The following AKR1B10 variants were observed in gnomAD, a reference collection of about 807,000 sequenced individuals.
The protein encoded by AKR1B10 is ARP.
In AKR1B10, 39 loss-of-function variants were observed where a neutral mutation model predicts 38.9. The observed-to-expected ratio is 1.00, with a 90% CI of 0.78 to 1.31. AKR1B10 has a LOEUF of 1.31. Among genes scored for constraint, AKR1B10 ranks in the 50% most tolerant of loss-of-function variants. The probability of loss-of-function intolerance (pLI) is 0.00; values close to 1 mark genes in which losing one functional copy is unlikely to be tolerated. For missense variants in AKR1B10, 361 were observed against 382.6 expected (o/e 0.94, Z 0.47); for synonymous variants, 148 against 141.2 (o/e 1.05, Z -0.34).
At chr7:134,537,431 CG>C in intron 6 of AKR1B10, 148 bp from the exon 7 acceptor site, 2 of 1,301,004 alleles carry the variant, frequency 1.5e-6, no homozygotes, top group Non-Finnish European at 2.1e-6. Context: ...CTTCAGAGCC[CG>C]GGGAAAGGAC....
Position 134,538,230 on chromosome 7 carries a change from G to T in AKR1B10, c.778G>T (p.Val260Phe), listed in dbSNP as rs775372358. 7.9e-5 allele frequency: 127 copies of T among 1,613,964 alleles called. No homozygotes were observed. Among genetic ancestry groups the T allele is most frequent in the Non-Finnish European group, 1.0e-4 (122 of 1,179,982 alleles). Residue 260 changes from valine (V) to phenylalanine (F), a missense_variant, in exon 8 of 10, where the codon GTC (valine) becomes TTC (phenylalanine). By Grantham distance (50) the Val-to-Phe change is conservative. Around this residue, in one of 3 missense-constraint regions of AKR1B10, gnomAD observed 132 missense variants for 134.6 expected, o/e 0.98. Transcript: ENST00000359579. ...IRFHIQRNVI[V>F]IPKSVTPARI... ...TTTCCATATCCAGAGGAATGTGATTGTCATCCCCAAGTCTGTGACACCAGC... is the reference window on the plus strand; with the variant it reads ...TTTCCATATCCAGAGGAATGTGATTTTCATCCCCAAGTCTGTGACACCAGC...
At chr7:134,539,080 G>T (rs1372524499) in intron 9 of AKR1B10, 63 bp downstream of exon 9, 1 of 1,597,500 alleles carries the variant, frequency 6.3e-7, no homozygotes. Context: ...TAGAGGGTTA[G>T]TTGGAAGGAT....
chr7:134,538,876 T>A, intron 8 of AKR1B10, 59 bp from the exon 9 acceptor site: 1 of 1,594,268 alleles, frequency 6.3e-7, no homozygotes. Flanking sequence ...TGGCCGGCAG[T>A]CTCCAGCCAC....
At position 134,527,682 on chromosome 7, in the gene AKR1B10, C is replaced by T. The variant is rs113606695; in HGVS notation, c.-230C>T. The T allele has an allele frequency of 5.1e-5, 19 of 376,086 alleles. No homozygotes were observed. The highest frequency in any genetic ancestry group is 3.5e-4 in the African/African-American group (17 of 49,210). 23.3% of individuals were successfully genotyped at this position (376,086 alleles called of 1,614,324 possible). A position where few individuals can be genotyped will look rare whatever the true frequency, so the allele number is the denominator to read the frequency against. On this transcript the variant is annotated 5_prime_UTR_variant, in exon 1 of 10. Coordinates refer to ENST00000359579, the MANE Select transcript of AKR1B10 (RefSeq NM_020299.5). ...GGAGTTTGAGACCAGCCTGTCTCTA[C>T]TAACAATATAAAAATTAGCTGGGAG...
In AKR1B10 at chr7:134,527,727, T is replaced by TC. The variant is rs545413179; in HGVS notation, c.-182dup. ...TGGGAGTCACGGTGGGCGCCTGTAATCCCAGCTACTCGGGAGGCTGAGGCA... is the reference window on the plus strand; with the variant it reads ...TGGGAGTCACGGTGGGCGCCTGTAATCCCCAGCTACTCGGGAGGCTGAGGCA... On this transcript the variant is annotated 5_prime_UTR_variant, in exon 1 of 10. Coordinates refer to ENST00000359579, the MANE Select transcript of AKR1B10 (RefSeq NM_020299.5). The TC allele has an allele frequency of 1.6e-3, 776 of 471,770 alleles. 9 individuals are homozygous for TC. In the African/African-American group the frequency reaches 0.019, roughly 11 times the overall value. The allele number at this position is 471,770 out of a possible 1,614,324, so 29.2% of individuals were successfully genotyped here.
chr7:134,535,233 C>G (rs900171849), intron 4 of AKR1B10, among the ~76,000 whole-genome samples: 1 of 152,126 alleles, frequency 6.6e-6, no homozygotes, highest in Non-Finnish European at 1.5e-5. Flanking sequence ...CTGTCTCAGC[C>G]TCTGGTAATA....
chr7:134,530,604 A>G lies in AKR1B10; in HGVS notation c.67-39A>G, dbSNP rs1377531471. 2.5e-6 allele frequency: 4 copies of G among 1,611,112 alleles called. No individual in the cohort carries two copies. In the Admixed American group the frequency reaches 5.0e-5, roughly 20 times the overall value. Reference sequence around the variant, plus strand: ...ACACGGCAGGGCCCCATCTCTTAAAAAAAACACATATGTGATGAGCTTTTC... The same window carrying G: ...ACACGGCAGGGCCCCATCTCTTAAAGAAAACACATATGTGATGAGCTTTTC... On this transcript the variant is annotated intron_variant, in intron 1 of 9. Transcript: ENST00000359579.
At chr7:134,530,066 A>C (rs1368366569) in intron 1 of AKR1B10, among the ~76,000 whole-genome samples, 1 of 152,154 alleles carries the variant, frequency 6.6e-6, no homozygotes, top group East Asian at 1.9e-4. Flanking sequence ...CAAGGTTTAC[A>C]GAGATTGAAT....
intron 3 of AKR1B10, among the ~76,000 whole-genome samples, chr7:134,532,228 G>A (rs1807877258): frequency 1.3e-5 from 2 of 152,228 alleles, no homozygotes; most frequent in South Asian, 4.1e-4. Flanking sequence ...TGCTGAGGTG[G>A]CCACATGCCT....
chr7:134,537,740 C>G, intron 7 of AKR1B10, 79 bp downstream of exon 7: 3 of 1,541,650 alleles, frequency 1.9e-6, no homozygotes, highest in Non-Finnish European at 2.7e-6. Flanking sequence ...TTGTCCTCAA[C>G]AAACTCCTTA....
chr7:134,534,859 A>C (rs1046588818), intron 4 of AKR1B10, among the ~76,000 whole-genome samples: 8 of 152,352 alleles, frequency 5.3e-5, no homozygotes, highest in Admixed American at 4.6e-4. Context: ...GGATAACATC[A>C]TATATCCTAG....
intron 9 of AKR1B10, 49 bp downstream of exon 9, chr7:134,539,066 C>T: frequency 6.2e-7 from 1 of 1,606,644 alleles, no homozygotes; most frequent in African/African-American, 1.3e-5. Flanking sequence ...TTTTTCTAAA[C>T]TAATAGAGGG....
chr7:134,540,486 T>A (rs1808123527), intron 9 of AKR1B10, among the ~76,000 whole-genome samples: 2 of 152,226 alleles, frequency 1.3e-5, no homozygotes, highest in Non-Finnish European at 1.5e-5. Context: ...TGGTGGGCTC[T>A]GCAGTAAATC....
intron 2 of AKR1B10, among the ~76,000 whole-genome samples, chr7:134,531,277 G>C (rs1433320585): frequency 6.6e-6 from 1 of 152,170 alleles, no homozygotes; most frequent in East Asian, 1.9e-4. Flanking sequence ...CTAGTAAAAG[G>C]TGAGGGATAC....
chr7:134,530,601 A>T, intron 1 of AKR1B10, 42 bp from the exon 2 acceptor site: 3 of 1,600,190 alleles, frequency 1.9e-6, no homozygotes, highest in Non-Finnish European at 1.7e-6. Flanking sequence ...CCCATCTCTT[A>T]AAAAAAACAC....
In AKR1B10 at chr7:134,538,973, C is replaced by A; in HGVS notation, c.864C>A (p.Thr288=). Residue 288 remains threonine (T), a synonymous_variant, in exon 9 of 10, where the codon ACC becomes ACA. Coordinates refer to ENST00000359579, the MANE Select transcript of AKR1B10 (RefSeq NM_020299.5). ...DFKLSDEEMA[T]ILSFNRNWRA... is the part of the protein sequence containing the mutation. Reference sequence around the variant, plus strand: ...AATTGAGTGATGAGGAGATGGCAACCATACTCAGCTTCAACAGAAACTGGA... The same window carrying A: ...AATTGAGTGATGAGGAGATGGCAACAATACTCAGCTTCAACAGAAACTGGA... 6.2e-7 allele frequency: 1 copy of A among 1,614,066 alleles called. No homozygotes were observed. Among genetic ancestry groups the A allele is most frequent in the African/African-American group, 1.3e-5 (1 of 75,050 alleles).
intron 9 of AKR1B10, among the ~76,000 whole-genome samples, 169 bp from the exon 10 acceptor site, chr7:134,540,878 G>A (rs780967259): frequency 6.6e-6 from 1 of 152,084 alleles, no homozygotes. Flanking sequence ...CCCTCATATC[G>A]ATTTGAGGGA....
In AKR1B10 at chr7:134,535,007, G is replaced by C. The variant is rs1807957743; in HGVS notation, c.430-1643G>C. On this transcript the variant is annotated intron_variant, in intron 4 of 9. Coordinates refer to ENST00000359579, the MANE Select transcript of AKR1B10 (RefSeq NM_020299.5). ...ACTGGTAATTTTTTTTTTTAATTTAGAGAGAGTCTCTCTCTGTTGCCCAGG... is the reference window on the plus strand; with the variant it reads ...ACTGGTAATTTTTTTTTTTAATTTACAGAGAGTCTCTCTCTGTTGCCCAGG... 2.6e-5 allele frequency among the ~76,000 whole-genome samples: 4 copies of C among 151,760 alleles called. No homozygotes were observed. The South Asian group carries it at 8.3e-4, about 31-fold the overall frequency.
At chr7:134,539,157 G>T (rs1348992308) in intron 9 of AKR1B10, 140 bp downstream of exon 9, 3 of 940,242 alleles carry the variant, frequency 3.2e-6, no homozygotes, top group African/African-American at 1.7e-5. Context: ...AGTTAAAATT[G>T]GGGTACCTGG....
Sources: gnomAD v4.1 joint callset for allele counts (sites outside exome capture counted in the v4.1 genomes callset) on GRCh38, gnomAD v4.1.1 for gene constraint, gnomAD v4.1.1 regional missense constraint, MANE v1.5 for transcripts, NCBI Gene and HGNC (gene_info 2026-07-23, HGNC 2026-07-21) for gene names.